Variants in USP3 observed in about 807,000 individuals in gnomAD.
USP3 encodes ubiquitin specific peptidase 3.
In USP3, 20 loss-of-function variants were observed where a neutral mutation model predicts 72.3. The observed-to-expected ratio is 0.28, with a 90% CI of 0.19 to 0.40. The LOEUF is 0.40. Among genes scored for constraint, USP3 ranks in the 10% least tolerant of loss-of-function variants. The pLI, the probability that USP3 is intolerant of heterozygous loss-of-function variation, is 1.00. For missense variants in USP3, 479 were observed against 633.9 expected (o/e 0.76, Z 2.62); for synonymous variants, 222 against 225.3 (o/e 0.99, Z 0.13).
intron 1 of USP3, among the ~76,000 whole-genome samples, chr15:63,510,780 A>G (rs1192795217): frequency 6.6e-6 from 1 of 152,142 alleles, no homozygotes; most frequent in African/African-American, 2.4e-5. Context: ...CTTACCTAGA[A>G]TTGTCTTGTG....
intron 2 of USP3, chr15:63,533,978 T>A: frequency 1.6e-6 from 1 of 642,290 alleles, no homozygotes; most frequent in Non-Finnish European, 2.0e-6. Context: ...CTCGTAGTGC[T>A]CTACAACCTA....
intron 4 of USP3, 87 bp from the exon 5 acceptor site, chr15:63,556,580 T>G: frequency 1.9e-6 from 2 of 1,033,936 alleles, no homozygotes; most frequent in East Asian, 2.7e-5. Flanking sequence ...GCCCTAGGTG[T>G]TGAGGGCAGC....
intron 1 of USP3, among the ~76,000 whole-genome samples, chr15:63,522,054 G>A (rs1698973774): frequency 1.3e-5 from 2 of 152,114 alleles, no homozygotes; most frequent in South Asian, 2.1e-4. Flanking sequence ...TTATTTTCCC[G>A]TTGTAGAGGC....
chr15:63,544,467 G>A lies in USP3; in HGVS notation c.284+7311G>A, dbSNP rs75392154. ...ATCCAAAGTTATTGTTTTGACTTTA[G>A]TAGACTAGTGTTTTGTCTTTTAGAA... On this transcript the variant is annotated intron_variant, in intron 3 of 14. Coordinates refer to ENST00000380324, the MANE Select transcript of USP3 (RefSeq NM_006537.4). The surrounding 1 kb of genome is among the most constrained non-coding windows in gnomAD (Gnocchi z 4.2). The A allele has an allele frequency of 0.023, 12,003 of 511,534 alleles. 169 individuals carry two copies. Among genetic ancestry groups the A allele is most frequent in the Non-Finnish European group, 0.03 (8,593 of 289,584 alleles). 31.7% of individuals were successfully genotyped at this position (511,534 alleles called of 1,614,324 possible).
intron 1 of USP3, among the ~76,000 whole-genome samples, chr15:63,522,676 A>G (rs2065935378): frequency 8.5e-6 from 1 of 117,668 alleles, no homozygotes; most frequent in South Asian, 3.2e-4. Flanking sequence ...TTGCTAAAAC[A>G]AAGTTAGAAA....
intron 1 of USP3, among the ~76,000 whole-genome samples, chr15:63,516,875 A>G (rs560165433): frequency 6.6e-6 from 1 of 151,582 alleles, no homozygotes; most frequent in Non-Finnish European, 1.5e-5. Context: ...TTTTTGTACT[A>G]TAAATTTGAT....
chr15:63,516,017 C>T (rs906703132), intron 1 of USP3, among the ~76,000 whole-genome samples: 6 of 152,186 alleles, frequency 3.9e-5, no homozygotes, highest in Non-Finnish European at 7.3e-5. Flanking sequence ...TCAGTGTTTG[C>T]ACCACTTGCC....
At chr15:63,516,071 G>A (rs2065847011) in intron 1 of USP3, among the ~76,000 whole-genome samples, 1 of 152,044 alleles carries the variant, frequency 6.6e-6, no homozygotes, top group African/African-American at 2.4e-5. Context: ...TACATATTTT[G>A]GTTACTATAG....
chr15:63,562,809 A>T, intron 7 of USP3, 86 bp from the exon 8 acceptor site: 2 of 763,088 alleles, frequency 2.6e-6, no homozygotes, highest in Non-Finnish European at 4.2e-6. Flanking sequence ...CATTTCCTAT[A>T]TATTAGGCAT....
chr15:63,576,211 G>T (rs959959804), intron 11 of USP3, among the ~76,000 whole-genome samples: 1 of 151,832 alleles, frequency 6.6e-6, no homozygotes, highest in Non-Finnish European at 1.5e-5. Context: ...GGTCTTAAAC[G>T]CCTAACCTCA....
chr15:63,553,875 T>G lies in USP3; in HGVS notation c.368+77T>G. 1 of 1,106,186 alleles carries G rather than the reference T, an allele frequency of 9.0e-7. No homozygotes were observed. Among genetic ancestry groups the G allele is most frequent in the Non-Finnish European group, 1.3e-6 (1 of 763,052 alleles). 68.5% of individuals were successfully genotyped at this position (1,106,186 alleles called of 1,614,324 possible). ...TCTTTTAGAATTTTTGAGTGGGGTTTTTGTTGATGAGTTTAATAACTTCAT... is the reference window on the plus strand; with the variant it reads ...TCTTTTAGAATTTTTGAGTGGGGTTGTTGTTGATGAGTTTAATAACTTCAT... On this transcript the variant is annotated intron_variant, in intron 4 of 14. Transcript: ENST00000380324. The surrounding 1 kb of genome is among the most constrained non-coding windows in gnomAD (Gnocchi z 4.2).
intron 9 of USP3, among the ~76,000 whole-genome samples, chr15:63,572,235 C>G (rs1186224737): frequency 6.6e-6 from 1 of 152,142 alleles, no homozygotes; most frequent in Non-Finnish European, 1.5e-5. Flanking sequence ...ATCCATTTCC[C>G]AGAGGAAGTG....
At position 63,591,728 on chromosome 15, in the gene USP3, G is replaced by T. The variant is rs116484228; in HGVS notation, c.*902G>T. 6.6e-6 allele frequency: 1 copy of T among 152,150 alleles called. No homozygotes were observed. Among genetic ancestry groups the T allele is most frequent in the Non-Finnish European group, 1.5e-5 (1 of 68,054 alleles). The allele number at this position is 152,150 out of a possible 1,614,324, so 9.4% of individuals were successfully genotyped here. The stretch of plus-strand genomic sequence containing the variant: ...GCTTGTGTTTGGCATCTGAGTCTGA[G>T]GTGTGACCCTCTGGGATTTACTTGG... On this transcript the variant is annotated 3_prime_UTR_variant, in exon 15 of 15. Coordinates refer to ENST00000380324, the MANE Select transcript of USP3 (RefSeq NM_006537.4).
In USP3 at chr15:63,592,900, T is replaced by C. The variant is rs2067230932; in HGVS notation, c.*2074T>C. Reference sequence around the variant, plus strand: ...AAATCCCACATCTTCCCAGAACACATCTGCTAAACACTTTAACATGACAAG... The same window carrying C: ...AAATCCCACATCTTCCCAGAACACACCTGCTAAACACTTTAACATGACAAG... On this transcript the variant is annotated 3_prime_UTR_variant, in exon 15 of 15. Transcript: ENST00000380324. The C allele has an allele frequency of 6.6e-6, 1 of 152,166 alleles. No homozygotes were observed. The allele number at this position is 152,166 out of a possible 1,614,324, so 9.4% of individuals were successfully genotyped here. A position where few individuals can be genotyped will look rare whatever the true frequency, so the allele number is the denominator to read the frequency against.
chr15:63,519,276 G>C (rs2065888228), intron 1 of USP3, among the ~76,000 whole-genome samples: 1 of 150,246 alleles, frequency 6.7e-6, no homozygotes. Flanking sequence ...TAGCTCTTTA[G>C]TTTTCTTTCA....
chr15:63,539,789 G>C (rs563926678), intron 3 of USP3, among the ~76,000 whole-genome samples: 31 of 152,244 alleles, frequency 2.0e-4, no homozygotes, highest in African/African-American at 7.2e-4. Context: ...CACATTGTCG[G>C]CTCACTTGTG....
chr15:63,563,667 A>G (rs1460247193), intron 8 of USP3, among the ~76,000 whole-genome samples: 5 of 152,178 alleles, frequency 3.3e-5, no homozygotes, highest in Non-Finnish European at 5.9e-5. Context: ...GGTGTTTGAC[A>G]GCAGCCTTGG....
At chr15:63,509,948 A>G (rs1032221246) in intron 1 of USP3, among the ~76,000 whole-genome samples, 5 of 152,232 alleles carry the variant, frequency 3.3e-5, no homozygotes, top group African/African-American at 9.6e-5. Flanking sequence ...AACATCCTTC[A>G]TGGTCTAAGC....
Position 63,590,824 on chromosome 15 carries a change from T to C in USP3, c.1561T>C (p.Ter521GlnextTer54). ...GGCCAAAGCTGGATCGGATAAACTT[T>C]AATACCTCCTCCAAATCATCATTCA... ...HQAKAGSDKL[*>Q] Residue 521 changes from the stop codon to glutamine (Q), a stop_lost, in exon 15 of 15, where the codon TAA (stop) becomes CAA (glutamine). Coordinates refer to ENST00000380324, the MANE Select transcript of USP3 (RefSeq NM_006537.4). The C allele has an allele frequency of 6.2e-7, 1 of 1,608,000 alleles. No individual in the cohort carries two copies. The highest frequency in any genetic ancestry group is 8.5e-7 in the Non-Finnish European group (1 of 1,177,664).
Sources: allele counts gnomAD v4.1 joint callset (sites outside exome capture counted in the v4.1 genomes callset), GRCh38; gene constraint gnomAD v4.1.1; non-coding constraint Gnocchi (gnomAD v3.1); transcripts MANE v1.5; gene names NCBI Gene and HGNC (gene_info 2026-07-23, HGNC 2026-07-21).